CACNA2D3: variants seen among roughly 807,000 people sequenced by gnomAD.
CACNA2D3 encodes the protein calcium voltage-gated channel auxiliary subunit alpha2delta 3.
A neutral mutation model predicts 160.6 loss-of-function variants in CACNA2D3; 60 were observed. The ratio of observed to expected loss-of-function variants is 0.37; its 90% CI spans 0.30 to 0.46. CACNA2D3 has a LOEUF of 0.46. Among genes scored for constraint, CACNA2D3 ranks in the 20% least tolerant of loss-of-function variants. The pLI, the probability that CACNA2D3 is intolerant of heterozygous loss-of-function variation, is 1.00. For missense variants in CACNA2D3, 1,205 were observed against 1,365.0 expected, an observed-to-expected ratio of 0.88 and a Z score of 1.85; for synonymous variants, 558 against 492.9, an observed-to-expected ratio of 1.13 and a Z score of -1.75.
In CACNA2D3 at chr3:55,005,105, G is replaced by C. The variant is rs187476656; in HGVS notation, c.2766+267G>C. On this transcript the variant is annotated intron_variant, in intron 32 of 37. Coordinates refer to ENST00000474759, the MANE Select transcript of CACNA2D3 (RefSeq NM_018398.3). ...AGCCTGGCCAACATGGTGAAACCCT[G>C]TCTCTACTAAAAATACAAAAATTAG... 1.3e-3 allele frequency among the ~76,000 whole-genome samples: 197 copies of C among 152,030 alleles called. 2 individuals are homozygous for C. The highest frequency in any genetic ancestry group is 1.6e-3 in the Non-Finnish European group (107 of 67,990).
intron 35 of CACNA2D3, among the ~76,000 whole-genome samples, chr3:55,054,028 ATTGGC>A (rs1559474986): frequency 6.7e-6 from 1 of 149,958 alleles, no homozygotes; most frequent in African/African-American, 2.5e-5. Context: ...TTTTCCTGCT[ATTGGC>A]TTATTGTTTA....
chr3:54,231,439 T>A (rs533036114), intron 2 of CACNA2D3, among the ~76,000 whole-genome samples: 16 of 152,224 alleles, frequency 1.1e-4, no homozygotes, highest in Non-Finnish European at 1.9e-4. Context: ...TCAGAGTTCC[T>A]TGAAAAACCT....
chr3:55,065,709 G>C (rs1247193077), intron 35 of CACNA2D3, among the ~76,000 whole-genome samples: 1 of 150,784 alleles, frequency 6.6e-6, no homozygotes, highest in Non-Finnish European at 1.5e-5. Context: ...GAGGAGAGGA[G>C]AGGTGGGGGG....
chr3:54,257,348 C>T (rs1182441005), intron 2 of CACNA2D3, among the ~76,000 whole-genome samples: 3 of 152,156 alleles, frequency 2.0e-5, no homozygotes, highest in Non-Finnish European at 1.5e-5. Flanking sequence ...GGATGACAAG[C>T]GTGAAATTAA....
chr3:54,326,222 T>G (rs2107513272), intron 3 of CACNA2D3, among the ~76,000 whole-genome samples: 1 of 152,336 alleles, frequency 6.6e-6, no homozygotes, highest in East Asian at 1.9e-4. Flanking sequence ...AGTATTTGCA[T>G]TTAATAAACA....
chr3:54,801,071 C>T (rs1428900364), intron 13 of CACNA2D3, among the ~76,000 whole-genome samples: 1 of 151,442 alleles, frequency 6.6e-6, no homozygotes, highest in Non-Finnish European at 1.5e-5. Context: ...ACTGTAACCT[C>T]TGCTTCCCAG....
At chr3:54,215,271 A>G (rs980313807) in intron 2 of CACNA2D3, among the ~76,000 whole-genome samples, 2 of 152,242 alleles carry the variant, frequency 1.3e-5, no homozygotes, top group Admixed American at 1.3e-4. Context: ...CTGTGTCTAC[A>G]TTATGAAATG....
chr3:54,481,681 A>G (rs1476624497), intron 4 of CACNA2D3, among the ~76,000 whole-genome samples: 1 of 152,226 alleles, frequency 6.6e-6, no homozygotes, highest in Non-Finnish European at 1.5e-5. Context: ...GACTACAGGC[A>G]ACTCTATCAC....
chr3:54,809,393 A>G (rs1299947588), intron 13 of CACNA2D3, among the ~76,000 whole-genome samples: 1 of 123,918 alleles, frequency 8.1e-6, no homozygotes, highest in Admixed American at 8.9e-5. Flanking sequence ...ATCTCGGCTC[A>G]CTGCAAGCTC....
intron 27 of CACNA2D3, among the ~76,000 whole-genome samples, chr3:54,938,614 T>C (rs112185804): frequency 0.031 from 4,724 of 151,708 alleles, 229 homozygotes; most frequent in African/African-American, 0.11. Context: ...CAAGCCCCCT[T>C]AGTTACCCCC....
intron 5 of CACNA2D3, among the ~76,000 whole-genome samples, chr3:54,560,301 C>A (rs972304722): frequency 2.6e-5 from 4 of 152,196 alleles, no homozygotes; most frequent in African/African-American, 9.7e-5. Flanking sequence ...GACAGTATCT[C>A]ATTGTGGTTT....
chr3:54,958,246 G>A (rs114876180), intron 27 of CACNA2D3, among the ~76,000 whole-genome samples: 1,783 of 152,298 alleles, frequency 0.012, 28 homozygotes, highest in African/African-American at 0.04. Context: ...TCCATGTATC[G>A]GATGGGTGTG....
chr3:54,493,938 C>T (rs1312660901), intron 4 of CACNA2D3, among the ~76,000 whole-genome samples: 1 of 152,200 alleles, frequency 6.6e-6, no homozygotes, highest in African/African-American at 2.4e-5. Context: ...GTTTGCTGGC[C>T]CCTGCCCTAT....
At chr3:54,191,397 A>T (rs200842929) in intron 2 of CACNA2D3, among the ~76,000 whole-genome samples, 2 of 149,898 alleles carry the variant, frequency 1.3e-5, no homozygotes, top group East Asian at 2.0e-4. Context: ...TAAAACATCA[A>T]CATCATCATC....
intron 35 of CACNA2D3, among the ~76,000 whole-genome samples, chr3:55,067,705 T>C (rs1704694782): frequency 7.1e-6 from 1 of 141,238 alleles, no homozygotes; most frequent in East Asian, 2.3e-4. Flanking sequence ...TATTTATACA[T>C]CCATGCATTA....
intron 10 of CACNA2D3, among the ~76,000 whole-genome samples, chr3:54,637,324 T>C (rs1699398700): frequency 6.6e-6 from 1 of 151,732 alleles, no homozygotes; most frequent in Non-Finnish European, 1.5e-5. Context: ...ACGTATCTTA[T>C]ACTTGTGGGT....
At chr3:54,898,543 T>C (rs1700253023) in intron 26 of CACNA2D3, among the ~76,000 whole-genome samples, 1 of 152,196 alleles carries the variant, frequency 6.6e-6, no homozygotes, top group African/African-American at 2.4e-5. Context: ...CACCACACTT[T>C]GTTGCTGAAA....
chr3:54,805,267 G>T (rs939291809), intron 13 of CACNA2D3, among the ~76,000 whole-genome samples: 1 of 152,152 alleles, frequency 6.6e-6, no homozygotes, highest in Non-Finnish European at 1.5e-5. Context: ...CCAGGAGCTG[G>T]TTTTTTGAAA....
rs779615606 is a variant in CACNA2D3, at chr3:55,074,227, T to TACTG, written c.*27_*30dup. ...GGTGACACTGACTGAGATGTTCTCT[T>TACTG]ACTGACTGAGATGTTCTCTTGGCAT... On this transcript the variant is annotated 3_prime_UTR_variant, in exon 38 of 38. Transcript: ENST00000474759. The TACTG allele has an allele frequency of 3.5e-5, 35 of 1,004,168 alleles. No individual in the cohort carries two copies. The highest frequency in any genetic ancestry group is 8.0e-5 in the African/African-American group (4 of 49,748). The allele number at this position is 1,004,168 out of a possible 1,614,324, so 62.2% of individuals were successfully genotyped here.
Sources: gnomAD v4.1 joint callset for allele counts (sites outside exome capture counted in the v4.1 genomes callset) on GRCh38, gnomAD v4.1.1 for gene constraint, MANE v1.5 for transcripts, NCBI Gene and HGNC (gene_info 2026-07-23, HGNC 2026-07-21) for gene names.